PLEKHA3: variants seen among roughly 807,000 people sequenced by gnomAD.
PLEKHA3 encodes the protein pleckstrin homology domain containing A3, also known as pleckstrin homology domain-containing family A member 3.
A neutral mutation model predicts 39.2 loss-of-function variants in PLEKHA3; 19 were observed. The observed-to-expected ratio is 0.48, with a 90% CI of 0.34 to 0.71. The LOEUF is 0.71. Ranked by LOEUF, PLEKHA3 falls within the 30% of genes least tolerant of loss-of-function variation. PLEKHA3 has a pLI of 0.01. For missense variants in PLEKHA3, 253 were observed against 359.5 expected, an observed-to-expected ratio of 0.70 and a Z score of 2.40; for synonymous variants, 97 against 118.6, an observed-to-expected ratio of 0.82 and a Z score of 1.18.
chr2:178,488,206 T>C (rs572132423), intron 2 of PLEKHA3, among the ~76,000 whole-genome samples: 4 of 152,344 alleles, frequency 2.6e-5, no homozygotes, highest in African/African-American at 9.6e-5. Context: ...TCTTTCATGT[T>C]GATATGTAGG....
chr2:178,491,608 C>T (rs1685348513), intron 3 of PLEKHA3, among the ~76,000 whole-genome samples: 1 of 152,100 alleles, frequency 6.6e-6, no homozygotes, highest in Admixed American at 6.5e-5. Context: ...AAACTGAAAG[C>T]AAAGCAAATG....
At chr2:178,502,089 C>T (rs1006373289) in intron 7 of PLEKHA3, among the ~76,000 whole-genome samples, 5 of 151,862 alleles carry the variant, frequency 3.3e-5, no homozygotes, top group African/African-American at 1.2e-4. Flanking sequence ...TGGTGTATTT[C>T]TAGCATTTGA....
intron 7 of PLEKHA3, 125 bp downstream of exon 7, chr2:178,501,301 C>G (rs1212898066): frequency 1.5e-6 from 1 of 685,074 alleles, no homozygotes; most frequent in African/African-American, 1.8e-5. Context: ...TTCCTTAATT[C>G]AGAGGTAAGC....
chr2:178,484,174 T>G (rs886109250), intron 1 of PLEKHA3, among the ~76,000 whole-genome samples: 1 of 152,194 alleles, frequency 6.6e-6, no homozygotes, highest in African/African-American at 2.4e-5. Flanking sequence ...AGAAATAGAT[T>G]TTTTTGGTAC....
chr2:178,501,327 A>G (rs1685527216), intron 7 of PLEKHA3, 151 bp downstream of exon 7: 2 of 616,794 alleles, frequency 3.2e-6, no homozygotes, highest in African/African-American at 1.9e-5. Context: ...GCGCTCAATC[A>G]ATGAAAGCTC....
intron 5 of PLEKHA3, among the ~76,000 whole-genome samples, chr2:178,498,347 T>C (rs375020670): frequency 2.1e-4 from 32 of 152,348 alleles, no homozygotes; most frequent in African/African-American, 7.5e-4. Context: ...TTTCAACTGG[T>C]ATTTCTCAGA....
chr2:178,498,535 C>T (rs1473890645), intron 5 of PLEKHA3, among the ~76,000 whole-genome samples: 2 of 152,142 alleles, frequency 1.3e-5, no homozygotes, highest in Non-Finnish European at 2.9e-5. Flanking sequence ...ACTTGGCTGC[C>T]TCCCTTTATA....
At chr2:178,503,493 CCATGATTCTAG>C (rs1167083825) in intron 7 of PLEKHA3, among the ~76,000 whole-genome samples, 3 of 152,002 alleles carry the variant, frequency 2.0e-5, no homozygotes, top group Non-Finnish European at 4.4e-5. Flanking sequence ...TATGTGCCAA[CCATGATTCTAG>C]CAGTGAACAA....
intron 5 of PLEKHA3, 152 bp from the exon 6 acceptor site, chr2:178,499,059 C>A: frequency 4.6e-6 from 3 of 647,502 alleles, no homozygotes; most frequent in Non-Finnish European, 7.6e-6. Context: ...AATTATGTTG[C>A]TTGAGTCTGT....
intron 3 of PLEKHA3, among the ~76,000 whole-genome samples, chr2:178,491,991 A>G (rs1408883508): frequency 6.6e-6 from 1 of 152,146 alleles, no homozygotes; most frequent in Non-Finnish European, 1.5e-5. Flanking sequence ...CGACCTAATC[A>G]CTTGTTAAAA....
intron 1 of PLEKHA3, among the ~76,000 whole-genome samples, chr2:178,484,786 C>A (rs1422568767): frequency 2.6e-5 from 4 of 152,190 alleles, no homozygotes; most frequent in Non-Finnish European, 4.4e-5. Context: ...CCGGGGAACA[C>A]CAAGTTTGGC....
At chr2:178,488,797 C>G (rs1474796123) in intron 2 of PLEKHA3, among the ~76,000 whole-genome samples, 1 of 152,200 alleles carries the variant, frequency 6.6e-6, no homozygotes, top group African/African-American at 2.4e-5. Context: ...ATCTACAGAT[C>G]AATTTGAGGA....
intron 3 of PLEKHA3, among the ~76,000 whole-genome samples, chr2:178,493,286 CAGA>C (rs1250635409): frequency 2.6e-5 from 4 of 151,746 alleles, no homozygotes; most frequent in African/African-American, 9.7e-5. Context: ...CTGAAAGAAA[CAGA>C]AGAAAATAAA....
chr2:178,496,520 G>T (rs951319857), intron 5 of PLEKHA3, among the ~76,000 whole-genome samples: 2 of 152,260 alleles, frequency 1.3e-5, no homozygotes, highest in African/African-American at 4.8e-5. Flanking sequence ...TTAGTTATGA[G>T]ATTTAGTAAA....
rs541714555 is a variant in PLEKHA3 at position 178,508,288 on chromosome 2, A to G, written c.*4401A>G. 6.6e-6 allele frequency: 1 copy of G among 152,018 alleles called. No individual in the cohort carries two copies. The highest frequency in any genetic ancestry group is 2.4e-5 in the African/African-American group (1 of 41,306). 9.4% of individuals were successfully genotyped at this position (152,018 alleles called of 1,614,324 possible). A position where few individuals can be genotyped will look rare whatever the true frequency, so the allele number is the denominator to read the frequency against. The stretch of plus-strand genomic sequence containing the variant: ...TCTGTTGAATTTTCTTTATATATAT[A>G]TTTTAATTTCTAAGAGGTCTTTTTT... On this transcript the variant is annotated 3_prime_UTR_variant, in exon 8 of 8. Coordinates refer to ENST00000234453, the MANE Select transcript of PLEKHA3 (RefSeq NM_019091.4).
Position 178,503,817 on chromosome 2 carries a change from C to T in PLEKHA3, c.833C>T (p.Pro278Leu), listed in dbSNP as rs1685567045. The T allele has an allele frequency of 6.2e-7, 1 of 1,611,856 alleles. No individual in the cohort carries two copies. Among genetic ancestry groups the T allele is most frequent in the African/African-American group, 1.3e-5 (1 of 74,926 alleles). ...GGAGATTTGGCATCAGCAACCATTC[C>T]TGAAGAAAGCAGACTTATGGCCAAA... ...LNGDLASATI[P>L]EESRLMAKKQ... Residue 278 changes from proline to leucine, a missense_variant, in exon 8 of 8, where the codon CCT (proline) becomes CTT (leucine). By Grantham distance (98) the Pro-to-Leu change is moderately conservative. Transcript: ENST00000234453.
At position 178,504,305 on chromosome 2, in the gene PLEKHA3, A is replaced by C. The variant is rs1055388219; in HGVS notation, c.*418A>C. On this transcript the variant is annotated 3_prime_UTR_variant, in exon 8 of 8. Coordinates refer to ENST00000234453, the MANE Select transcript of PLEKHA3 (RefSeq NM_019091.4). The stretch of plus-strand genomic sequence containing the variant: ...AACTTGTGCCATGGACCAAATGGTC[A>C]CTTTACCACAGCTAAAAATGAGTTA... 6.4e-6 allele frequency: 1 copy of C among 156,244 alleles called. No homozygotes were observed. Among genetic ancestry groups the C allele is most frequent in the Middle Eastern group, 3.4e-3 (1 of 296 alleles). The allele number at this position is 156,244 out of a possible 1,614,324, so 9.7% of individuals were successfully genotyped here.
intron 7 of PLEKHA3, chr2:178,502,593 CTT>C (rs763874878): frequency 1.6e-4 from 24 of 148,000 alleles, no homozygotes; most frequent in Admixed American, 1.4e-4. Flanking sequence ...AGTGCGACAT[CTT>C]TTTTTTTTTT....
At position 178,515,229 on chromosome 2, in the gene PLEKHA3, C is replaced by T. The variant is rs368151352; in HGVS notation, c.*11342C>T. The T allele has an allele frequency of 2.0e-5, 3 of 151,012 alleles. No homozygotes were observed. The Admixed American group carries it at 2.0e-4, about 10-fold the overall frequency. 9.4% of individuals were successfully genotyped at this position (151,012 alleles called of 1,614,324 possible). On this transcript the variant is annotated 3_prime_UTR_variant, in exon 8 of 8. Transcript: ENST00000234453. Reference sequence around the variant, plus strand: ...CATTAGTGTCTTACTCTAGAGAAAACGAAAGACTCACTGTGTGAGTTTTCT... The same window carrying T: ...CATTAGTGTCTTACTCTAGAGAAAATGAAAGACTCACTGTGTGAGTTTTCT...
Sources: allele counts gnomAD v4.1 joint callset (sites outside exome capture counted in the v4.1 genomes callset), GRCh38; gene constraint gnomAD v4.1.1; transcripts MANE v1.5; gene names NCBI Gene and HGNC (gene_info 2026-07-23, HGNC 2026-07-21).